AK5: variants seen among roughly 807,000 people sequenced by gnomAD.
The protein encoded by AK5 is adenylate kinase 5.
Under a neutral mutation model 69.5 loss-of-function variants are expected in AK5, and 27 were observed. That is an observed-to-expected ratio of 0.39 (90% CI 0.29 to 0.54). The LOEUF is 0.54. AK5 is among the 20% of genes least tolerant of loss of function. The pLI, the probability that AK5 is intolerant of heterozygous loss-of-function variation, is 0.71. For missense variants in AK5, 531 were observed against 700.4 expected, an observed-to-expected ratio of 0.76 and a Z score of 2.73; for synonymous variants, 260 against 244.4, an observed-to-expected ratio of 1.06 and a Z score of -0.60.
chr1:77,360,913 C>T (rs755998479), intron 6 of AK5, among the ~76,000 whole-genome samples: 1 of 152,126 alleles, frequency 6.6e-6, no homozygotes, highest in East Asian at 1.9e-4. Context: ...AAAACTTGCT[C>T]ATAGGAAGGA....
At chr1:77,282,977 T>C (rs1658144208) in intron 1 of AK5, 22 of 985,586 alleles carry the variant, frequency 2.2e-5, no homozygotes, top group Non-Finnish European at 2.7e-5. Context: ...GAGCACGTTT[T>C]TCCCGTTGCC....
chr1:77,361,862 C>A (rs200183004), intron 6 of AK5, among the ~76,000 whole-genome samples: 2 of 152,154 alleles, frequency 1.3e-5, no homozygotes, highest in East Asian at 3.8e-4. Context: ...TCACCTCCTA[C>A]CGGGTTCCTC....
chr1:77,373,212 TA>T (rs953559376), intron 6 of AK5, among the ~76,000 whole-genome samples: 5 of 151,898 alleles, frequency 3.3e-5, no homozygotes, highest in East Asian at 1.9e-4. Context: ...CACTCTCATT[TA>T]AAAAAAAATA....
chr1:77,282,469 C>T (rs967590327), intron 1 of AK5, 96 bp downstream of exon 1: 2 of 1,451,232 alleles, frequency 1.4e-6, no homozygotes, highest in Non-Finnish European at 1.8e-6. Flanking sequence ...CTTCCCCACA[C>T]GGGGCATGTA....
At chr1:77,318,627 C>T (rs773453974) in intron 5 of AK5, among the ~76,000 whole-genome samples, 3 of 151,994 alleles carry the variant, frequency 2.0e-5, no homozygotes, top group East Asian at 1.9e-4. Flanking sequence ...TTGAACAATC[C>T]GATTTGAGCA....
At chr1:77,415,578 G>A (rs2100578359) in intron 7 of AK5, among the ~76,000 whole-genome samples, 1 of 152,296 alleles carries the variant, frequency 6.6e-6, no homozygotes, top group East Asian at 1.9e-4. Context: ...CTAGAAGGGA[G>A]CATTGATTGT....
rs185275630 is a variant in AK5 at position 77,551,535 on chromosome 1, G to A, written c.1621-7067G>A. On this transcript the variant is annotated intron_variant, in intron 13 of 13. Coordinates refer to ENST00000354567, the MANE Select transcript of AK5 (RefSeq NM_174858.3). ...TATTTAAGCCACACAACAAAATGAG[G>A]AGGGGGATTGGGGTTGGAAATAGAG... Among the ~76,000 whole-genome samples the A allele has an allele frequency of 2.5e-3, 377 of 152,278 alleles. 2 individuals are homozygous for A. The highest frequency in any genetic ancestry group is 3.4e-3 in the Non-Finnish European group (228 of 68,016).
chr1:77,396,637 C>G (rs1648848741), intron 6 of AK5, among the ~76,000 whole-genome samples: 1 of 152,148 alleles, frequency 6.6e-6, no homozygotes, highest in Non-Finnish European at 1.5e-5. Flanking sequence ...AAATGACCCT[C>G]AAGCTAAAAA....
At chr1:77,472,260 C>T (rs570992177) in intron 8 of AK5, among the ~76,000 whole-genome samples, 1 of 152,272 alleles carries the variant, frequency 6.6e-6, no homozygotes, top group African/African-American at 2.4e-5. Flanking sequence ...AGGCAGTTTC[C>T]CTATTTCCAT....
intron 11 of AK5, among the ~76,000 whole-genome samples, chr1:77,520,601 A>G (rs1657925688): frequency 6.6e-6 from 1 of 151,722 alleles, no homozygotes; most frequent in African/African-American, 2.4e-5. Flanking sequence ...ATACAGTCAC[A>G]TAGTTTGGTC....
At chr1:77,547,523 C>T (rs1165406353) in intron 13 of AK5, among the ~76,000 whole-genome samples, 1 of 152,100 alleles carries the variant, frequency 6.6e-6, no homozygotes, top group Non-Finnish European at 1.5e-5. Context: ...CTGCCCGCCT[C>T]GGCCTCTCAA....
At chr1:77,319,575 G>T (rs1342998660) in intron 5 of AK5, among the ~76,000 whole-genome samples, 1 of 152,154 alleles carries the variant, frequency 6.6e-6, no homozygotes, top group Admixed American at 6.5e-5. Flanking sequence ...ACAAAAGGCT[G>T]CCCAGTGGTA....
intron 6 of AK5, among the ~76,000 whole-genome samples, chr1:77,378,918 T>C (rs1647430746): frequency 6.6e-6 from 1 of 152,164 alleles, no homozygotes; most frequent in Non-Finnish European, 1.5e-5. Flanking sequence ...AAGTGGGTTG[T>C]TATTCCAGCT....
intron 10 of AK5, among the ~76,000 whole-genome samples, chr1:77,516,512 C>T (rs972434116): frequency 6.6e-6 from 1 of 151,980 alleles, no homozygotes; most frequent in African/African-American, 2.4e-5. Flanking sequence ...TCAAACATCA[C>T]ATTGTACATC....
chr1:77,438,422 G>A (rs1168482070), intron 8 of AK5, among the ~76,000 whole-genome samples: 1 of 151,732 alleles, frequency 6.6e-6, no homozygotes, highest in South Asian at 2.1e-4. Context: ...AGAAAAACTG[G>A]CATGCCTTAA....
intron 6 of AK5, among the ~76,000 whole-genome samples, chr1:77,372,675 T>C (rs1474750629): frequency 2.0e-5 from 3 of 152,188 alleles, no homozygotes; most frequent in African/African-American, 7.2e-5. Context: ...CAAAAAGTAG[T>C]ATTGGGTAAA....
At chr1:77,422,334 T>C (rs551622719) in intron 8 of AK5, among the ~76,000 whole-genome samples, 6 of 152,012 alleles carry the variant, frequency 3.9e-5, no homozygotes, top group Non-Finnish European at 8.8e-5. Context: ...CACACAATCA[T>C]GGCATTCCAT....
Position 77,282,244 on chromosome 1 carries a change from C to T in AK5, c.-70C>T. ...GCGCGGACTCTGCCAGCCCCAGCTTCAGCCCCGGCTCAGGTCGCCGCAGCC... is the reference window on the plus strand; with the variant it reads ...GCGCGGACTCTGCCAGCCCCAGCTTTAGCCCCGGCTCAGGTCGCCGCAGCC... On this transcript the variant is annotated 5_prime_UTR_variant, in exon 1 of 14. Coordinates refer to ENST00000354567, the MANE Select transcript of AK5 (RefSeq NM_174858.3). The T allele has an allele frequency of 2.7e-6, 4 of 1,454,920 alleles. No individual in the cohort carries two copies. The South Asian group carries it at 5.3e-5, about 19-fold the overall frequency. The allele number at this position is 1,454,920 out of a possible 1,614,324, so 90.1% of individuals were successfully genotyped here.
intron 6 of AK5, among the ~76,000 whole-genome samples, chr1:77,365,084 T>G (rs1021442771): frequency 1.3e-5 from 2 of 152,324 alleles, no homozygotes; most frequent in East Asian, 3.9e-4. Flanking sequence ...AGATGATACT[T>G]CATTGTATTT....
Sources: allele counts gnomAD v4.1 joint callset (sites outside exome capture counted in the v4.1 genomes callset), GRCh38; gene constraint gnomAD v4.1.1; transcripts MANE v1.5; gene names NCBI Gene and HGNC (gene_info 2026-07-23, HGNC 2026-07-21).